MMP16: variants seen among roughly 807,000 people sequenced by gnomAD.
MMP16 encodes the protein matrix metalloproteinase-16.
Under a neutral mutation model 67.8 loss-of-function variants are expected in MMP16, and 12 were observed. That is an observed-to-expected ratio of 0.18 (90% CI 0.11 to 0.29). The LOEUF (loss-of-function observed/expected upper bound fraction) is 0.29, where lower values mean the gene tolerates loss of function less well. MMP16 is among the 10% of genes least tolerant of loss of function. The probability of loss-of-function intolerance (pLI) is 1.00; values close to 1 mark genes in which losing one functional copy is unlikely to be tolerated. For synonymous variants in MMP16, 249 were observed against 255.9 expected (o/e 0.97, Z 0.26); for missense variants, 475 against 765.7 (o/e 0.62, Z 4.48).
chr8:88,224,603 C>G (rs186037394), intron 1 of MMP16, among the ~76,000 whole-genome samples: 26 of 151,988 alleles, frequency 1.7e-4, no homozygotes, highest in African/African-American at 6.3e-4. Flanking sequence ...AATGACCATG[C>G]AGACTATTGG....
intron 4 of MMP16, among the ~76,000 whole-genome samples, chr8:88,129,131 G>A (rs960637561): frequency 3.3e-5 from 5 of 151,666 alleles, no homozygotes; most frequent in Non-Finnish European, 5.9e-5. Flanking sequence ...ATGATTCTCT[G>A]CACCTGGATA....
chr8:88,157,734 C>T (rs553684232), intron 4 of MMP16, among the ~76,000 whole-genome samples: 3 of 152,202 alleles, frequency 2.0e-5, no homozygotes, highest in East Asian at 1.9e-4. Flanking sequence ...AGGTTTGTTA[C>T]ATAGGTATAC....
At chr8:88,109,296 A>C (rs546850292) in intron 6 of MMP16, among the ~76,000 whole-genome samples, 5 of 151,156 alleles carry the variant, frequency 3.3e-5, no homozygotes, top group African/African-American at 1.2e-4. Flanking sequence ...TTTTCTGTTG[A>C]CTTTCATGGA....
chr8:88,106,424 T>C (rs1418811000), intron 6 of MMP16, among the ~76,000 whole-genome samples: 1 of 151,320 alleles, frequency 6.6e-6, no homozygotes, highest in African/African-American at 2.4e-5. Flanking sequence ...GCTGGACATT[T>C]ACATTGTTTC....
intron 1 of MMP16, among the ~76,000 whole-genome samples, chr8:88,229,171 A>C (rs186928924): frequency 6.6e-6 from 1 of 152,170 alleles, no homozygotes; most frequent in Admixed American, 6.5e-5. Context: ...AGGGTCACTA[A>C]TATAGAAGTG....
intron 6 of MMP16, among the ~76,000 whole-genome samples, chr8:88,093,259 C>T (rs1808969432): frequency 6.6e-6 from 1 of 151,798 alleles, no homozygotes; most frequent in South Asian, 2.1e-4. Context: ...TGTCTAAGTG[C>T]TTCAGAAGCC....
chr8:88,252,755 T>C (rs1364286934), intron 1 of MMP16, among the ~76,000 whole-genome samples: 2 of 152,030 alleles, frequency 1.3e-5, no homozygotes, highest in Non-Finnish European at 2.9e-5. Flanking sequence ...ATATTTTTAG[T>C]TGTATGATAA....
intron 1 of MMP16, among the ~76,000 whole-genome samples, chr8:88,288,743 G>A (rs1465817246): frequency 6.6e-6 from 1 of 152,146 alleles, no homozygotes; most frequent in African/African-American, 2.4e-5. Flanking sequence ...AATGTTTATT[G>A]TGTATCAAGA....
At chr8:88,317,565 T>C (rs970731376) in intron 1 of MMP16, among the ~76,000 whole-genome samples, 4 of 152,184 alleles carry the variant, frequency 2.6e-5, no homozygotes, top group African/African-American at 9.7e-5. Flanking sequence ...TGAATTTCTC[T>C]TTATTGCAGT....
chr8:88,287,174 G>A (rs1810845737), intron 1 of MMP16, among the ~76,000 whole-genome samples: 1 of 152,176 alleles, frequency 6.6e-6, no homozygotes, highest in South Asian at 2.1e-4. Context: ...AGTTCTGCGT[G>A]CTCTGATGCC....
chr8:88,301,229 G>A (rs1426830638), intron 1 of MMP16, among the ~76,000 whole-genome samples: 2 of 152,142 alleles, frequency 1.3e-5, no homozygotes, highest in East Asian at 1.9e-4. Context: ...ATGCCGGGGG[G>A]AAAGAAAGTC....
At chr8:88,182,945 C>T (rs1376555498) in intron 3 of MMP16, among the ~76,000 whole-genome samples, 1 of 151,500 alleles carries the variant, frequency 6.6e-6, no homozygotes, top group Non-Finnish European at 1.5e-5. Flanking sequence ...GTGAAAGAAG[C>T]CAGTCTGAAA....
intron 1 of MMP16, among the ~76,000 whole-genome samples, chr8:88,312,952 CAATA>C (rs1468392282): frequency 1.3e-5 from 2 of 151,686 alleles, no homozygotes; most frequent in East Asian, 3.9e-4. Context: ...CCAGCCTGGG[CAATA>C]AAGAGCAAAT....
rs73288997 is a variant in MMP16 at position 88,225,549 on chromosome 8, C to T, written c.133-28243G>A. Among the ~76,000 whole-genome samples, 437 of 151,708 alleles carry T rather than the reference C, an allele frequency of 2.9e-3. 1 individual carries two copies. Among genetic ancestry groups the T allele is most frequent in the African/African-American group, 0.01 (422 of 41,402 alleles). On this transcript the variant is annotated intron_variant, in intron 1 of 9. Coordinates refer to ENST00000286614, the MANE Select transcript of MMP16 (RefSeq NM_005941.5). The stretch of plus-strand genomic sequence containing the variant: ...CATATTATTCATTGAATAAAAAATA[C>T]AAGAAAATTAATCCCACCTATTCAG...
intron 1 of MMP16, among the ~76,000 whole-genome samples, chr8:88,231,568 C>CCATGAAA (rs1809859509): frequency 6.6e-6 from 1 of 152,164 alleles, no homozygotes; most frequent in Non-Finnish European, 1.5e-5. Context: ...CACATCTAAG[C>CCATGAAA]CATGAAACTC....
At chr8:88,090,658 ATTACT>A (rs1020371263) in intron 6 of MMP16, among the ~76,000 whole-genome samples, 2 of 151,306 alleles carry the variant, frequency 1.3e-5, no homozygotes, top group Non-Finnish European at 3.0e-5. Flanking sequence ...AATTAAAAAA[ATTACT>A]TTAATATTAC....
chr8:88,110,391 A>T (rs2118408946), intron 6 of MMP16, among the ~76,000 whole-genome samples: 1 of 151,730 alleles, frequency 6.6e-6, no homozygotes, highest in South Asian at 2.1e-4. Context: ...ATATAATTCC[A>T]GTTGCTCCCT....
chr8:88,285,890 T>C (rs1810822993), intron 1 of MMP16, among the ~76,000 whole-genome samples: 1 of 152,176 alleles, frequency 6.6e-6, no homozygotes, highest in African/African-American at 2.4e-5. Flanking sequence ...TTTTGCCATC[T>C]TATTTGTCAC....
chr8:88,061,033 T>A (rs1166591042), intron 7 of MMP16, among the ~76,000 whole-genome samples: 3 of 151,620 alleles, frequency 2.0e-5, no homozygotes, highest in Admixed American at 6.6e-5. Flanking sequence ...TGCTGAAAAA[T>A]CATTTATTTA....
Sources: gnomAD v4.1 joint callset for allele counts (sites outside exome capture counted in the v4.1 genomes callset) on GRCh38, gnomAD v4.1.1 for gene constraint, MANE v1.5 for transcripts, NCBI Gene and HGNC (gene_info 2026-07-23, HGNC 2026-07-21) for gene names.